ASCC3: variants seen among roughly 807,000 people sequenced by gnomAD.
ASCC3 encodes ASC-1 complex subunit P200.
A neutral mutation model predicts 256.3 loss-of-function variants in ASCC3; 158 were observed. That is an observed-to-expected ratio of 0.62 (90% CI 0.54 to 0.70). The LOEUF (loss-of-function observed/expected upper bound fraction) is 0.70, where lower values mean the gene tolerates loss of function less well. Ranked by LOEUF, ASCC3 falls within the 30% of genes least tolerant of loss-of-function variation. The pLI, the probability that ASCC3 is intolerant of heterozygous loss-of-function variation, is 0.00. For missense variants in ASCC3, 2,259 were observed against 2,626.0 expected (o/e 0.86, Z 3.05); for synonymous variants, 948 against 883.4 (o/e 1.07, Z -1.30).
At position 100,675,489 on chromosome 6, in the gene ASCC3, T is replaced by C. The variant is rs558282015; in HGVS notation, c.2286+4129A>G. Among the ~76,000 whole-genome samples, 171 of 152,294 alleles carry C rather than the reference T, an allele frequency of 1.1e-3. 1 individual carries two copies. The highest frequency in any genetic ancestry group is 2.1e-3 in the Non-Finnish European group (144 of 68,020). On this transcript the variant is annotated intron_variant, in intron 14 of 41. Transcript: ENST00000369162. ...GCTGTAATAGTAAGCATCAGATAAC[T>C]AAATCAAATTGGCATTAATTCCAGT...
intron 39 of ASCC3, among the ~76,000 whole-genome samples, chr6:100,513,281 C>T (rs1414906685): frequency 1.3e-5 from 2 of 152,036 alleles, no homozygotes; most frequent in African/African-American, 2.4e-5. Flanking sequence ...TAAAAGAGGG[C>T]TTATCATTAT....
chr6:100,777,220 CTACTT>C, intron 8 of ASCC3, among the ~76,000 whole-genome samples: 1 of 152,166 alleles, frequency 6.6e-6, no homozygotes, highest in East Asian at 1.9e-4. Context: ...CAAGTACTGA[CTACTT>C]TACATGTGTG....
At chr6:100,530,597 G>A (rs1774820340) in intron 37 of ASCC3, 2 of 792,690 alleles carry the variant, frequency 2.5e-6, no homozygotes, top group Non-Finnish European at 2.3e-6. Context: ...TTATTGCATG[G>A]ATGTTCAGAG....
chr6:100,531,092 T>A (rs1774849800), intron 37 of ASCC3: 2 of 1,237,304 alleles, frequency 1.6e-6, no homozygotes, highest in Admixed American at 1.7e-5. Flanking sequence ...GTCTGTACAA[T>A]AAATACAACA....
chr6:100,551,180 T>G (rs542752049), intron 36 of ASCC3, among the ~76,000 whole-genome samples: 39 of 152,084 alleles, frequency 2.6e-4, no homozygotes, highest in African/African-American at 9.1e-4. Flanking sequence ...CTGGGCTGGG[T>G]AGCTTGTTTA....
At chr6:100,721,496 T>G (rs879332534) in intron 11 of ASCC3, among the ~76,000 whole-genome samples, 2 of 151,708 alleles carry the variant, frequency 1.3e-5, no homozygotes, top group African/African-American at 2.4e-5. Context: ...CCAGAGCACA[T>G]GCCTTGTAGG....
intron 3 of ASCC3, chr6:100,856,300 G>T (rs1246508556): frequency 1.6e-6 from 1 of 638,616 alleles, no homozygotes; most frequent in Non-Finnish European, 1.9e-6. Context: ...ATAAAAATAG[G>T]CATGAGAATG....
intron 36 of ASCC3, among the ~76,000 whole-genome samples, chr6:100,568,476 G>C (rs1770388904): frequency 6.6e-6 from 1 of 151,198 alleles, no homozygotes. Flanking sequence ...CATGTTTGCT[G>C]GTTGCTTGTA....
At chr6:100,613,763 C>T (rs1773526191) in intron 30 of ASCC3, among the ~76,000 whole-genome samples, 1 of 152,096 alleles carries the variant, frequency 6.6e-6, no homozygotes, top group Non-Finnish European at 1.5e-5. Context: ...GACTATTTTC[C>T]ATAGAGGTTG....
At chr6:100,522,498 C>T (rs139632280) in intron 37 of ASCC3, among the ~76,000 whole-genome samples, 271 of 152,068 alleles carry the variant, frequency 1.8e-3, no homozygotes, top group Non-Finnish European at 3.3e-3. Flanking sequence ...TGAAAATGAG[C>T]TCTGGAGAAA....
rs1582623049 is a variant in ASCC3 at position 100,644,053 on chromosome 6, T to C, written c.3710A>G (p.Tyr1237Cys). The change falls in exon 23 of 42, where the codon TAT becomes TGT. Residue 1237 changes from tyrosine (Y) to cysteine (C), a missense_variant. Tyr to Cys is a radical substitution (Grantham distance 194). This residue lies in a region of ASCC3 where 1,839 missense variants were observed against 2,206.7 expected (regional missense o/e 0.83). Coordinates refer to ENST00000369162, the MANE Select transcript of ASCC3 (RefSeq NM_006828.4). ...TACTTGTTTTTTTAGAGCTAGAAAATACTCTGAATGATAAATATGATCATT... is the reference window on the plus strand; with the variant it reads ...TACTTGTTTTTTTAGAGCTAGAAAACACTCTGAATGATAAATATGATCATT... ...PTNDHIYHSEYFLALKKQVIS... is the reference protein window; with the variant it reads ...PTNDHIYHSECFLALKKQVIS... 6.2e-7 allele frequency: 1 copy of C among 1,611,934 alleles called. No individual in the cohort carries two copies. Among genetic ancestry groups the C allele is most frequent in the Non-Finnish European group, 8.5e-7 (1 of 1,178,652 alleles).
chr6:100,575,514 T>C lies in ASCC3; in HGVS notation c.5550+14120A>G, dbSNP rs1770813536. Among the ~76,000 whole-genome samples the C allele has an allele frequency of 2.6e-5, 4 of 152,194 alleles. No homozygotes were observed. The South Asian group carries it at 8.3e-4, about 32-fold the overall frequency. On this transcript the variant is annotated intron_variant, in intron 36 of 41. Transcript: ENST00000369162. ...ACTGAGAACGGCTAAACCTAGACAT[T>C]TATTGACACATAAAAATTCTATTGT... is the stretch of plus-strand genomic sequence containing the variant.
intron 17 of ASCC3, 45 bp downstream of exon 17, chr6:100,655,654 C>G (rs1554209159): frequency 6.3e-7 from 1 of 1,595,212 alleles, no homozygotes; most frequent in Non-Finnish European, 8.5e-7. Context: ...ATGAAAGAAC[C>G]AAAAAGAAGG....
chr6:100,531,347 T>C (rs538858740), intron 37 of ASCC3, among the ~76,000 whole-genome samples: 1 of 152,312 alleles, frequency 6.6e-6, no homozygotes, highest in South Asian at 2.1e-4. Context: ...AGAAGCTTTA[T>C]GGTGATTATT....
At chr6:100,519,416 T>C (rs919307417) in intron 37 of ASCC3, among the ~76,000 whole-genome samples, 4 of 152,134 alleles carry the variant, frequency 2.6e-5, no homozygotes, top group Non-Finnish European at 5.9e-5. Context: ...TGAATGCACA[T>C]ATTTATAAAT....
chr6:100,828,658 G>C (rs1219455594), intron 4 of ASCC3, among the ~76,000 whole-genome samples: 1 of 152,126 alleles, frequency 6.6e-6, no homozygotes, highest in African/African-American at 2.4e-5. Context: ...AGCTCTTAAG[G>C]CGGTGCATCT....
At chr6:100,531,807 ATAATG>A (rs1774893411) in intron 37 of ASCC3, among the ~76,000 whole-genome samples, 2 of 152,184 alleles carry the variant, frequency 1.3e-5, no homozygotes, top group South Asian at 4.1e-4. Context: ...AAATGCCCGC[ATAATG>A]TAAGATTCTA....
At chr6:100,620,622 A>G (rs79322194) in intron 30 of ASCC3, among the ~76,000 whole-genome samples, 2,288 of 152,202 alleles carry the variant, frequency 0.015, 54 homozygotes, top group African/African-American at 0.052. Context: ...TGAACAGCAG[A>G]ATAATTTGAA....
At chr6:100,859,238 T>G in intron 3 of ASCC3, 1 of 779,328 alleles carries the variant, frequency 1.3e-6, no homozygotes, top group Non-Finnish European at 2.4e-6. Context: ...GGATCACATT[T>G]TCTGGGTTAA....
Sources: allele counts gnomAD v4.1 joint callset (sites outside exome capture counted in the v4.1 genomes callset), GRCh38; gene constraint gnomAD v4.1.1; regional missense constraint gnomAD v4.1.1; transcripts MANE v1.5; gene names NCBI Gene and HGNC (gene_info 2026-07-23, HGNC 2026-07-21).